Variants in GRIK1 observed in about 807,000 individuals in gnomAD.
The protein encoded by GRIK1 is glutamate ionotropic receptor kainate type subunit 1.
In GRIK1, 69 loss-of-function variants were observed where a neutral mutation model predicts 105.7. The observed-to-expected ratio is 0.65, with a 90% confidence interval of 0.54 to 0.80. GRIK1 has a LOEUF of 0.80. Ranked by LOEUF, GRIK1 falls within the 30% of genes least tolerant of loss-of-function variation. The pLI, the probability that GRIK1 is intolerant of heterozygous loss-of-function variation, is 0.00. For missense variants in GRIK1, 1,109 were observed against 1,167.3 expected (o/e 0.95, Z 0.73); for synonymous variants, 438 against 431.3 (o/e 1.02, Z -0.19).
intron 1 of GRIK1, among the ~76,000 whole-genome samples, chr21:29,722,509 T>C (rs2064347588): frequency 6.6e-6 from 1 of 150,516 alleles, no homozygotes; most frequent in Admixed American, 6.6e-5. Context: ...TGAGCTGAGA[T>C]CGTGCCACTG....
At chr21:29,687,466 T>C (rs2063506319) in intron 3 of GRIK1, among the ~76,000 whole-genome samples, 1 of 152,194 alleles carries the variant, frequency 6.6e-6, no homozygotes, top group African/African-American at 2.4e-5. Flanking sequence ...ATTCTCTGGG[T>C]TCCAATTTAA....
intron 1 of GRIK1, among the ~76,000 whole-genome samples, chr21:29,851,764 C>T (rs1207502759): frequency 2.2e-5 from 3 of 133,726 alleles, no homozygotes; most frequent in Non-Finnish European, 4.7e-5. Flanking sequence ...CCAAGAAGAG[C>T]GTCTTTAGCA....
intron 1 of GRIK1, among the ~76,000 whole-genome samples, chr21:29,817,779 G>A (rs1184461514): frequency 6.6e-6 from 1 of 152,110 alleles, no homozygotes; most frequent in African/African-American, 2.4e-5. Flanking sequence ...GTATTTAAGG[G>A]TTGTTTGTTG....
intron 7 of GRIK1, among the ~76,000 whole-genome samples, chr21:29,616,799 C>A (rs945900675): frequency 2.6e-5 from 4 of 152,168 alleles, no homozygotes; most frequent in African/African-American, 9.7e-5. Context: ...CTGCTTGATG[C>A]CATACTTCAA....
At chr21:29,857,971 C>T (rs890251603) in intron 1 of GRIK1, among the ~76,000 whole-genome samples, 2 of 152,198 alleles carry the variant, frequency 1.3e-5, no homozygotes, top group African/African-American at 4.8e-5. Context: ...ACGATCTTGG[C>T]TCACTGCAGC....
intron 1 of GRIK1, among the ~76,000 whole-genome samples, chr21:29,805,216 G>T (rs1299611429): frequency 1.3e-5 from 2 of 152,132 alleles, no homozygotes; most frequent in Non-Finnish European, 2.9e-5. Flanking sequence ...TTGTTAGAAT[G>T]CTAGAGCAGG....
chr21:29,849,759 A>C (rs1442983168), intron 1 of GRIK1, among the ~76,000 whole-genome samples: 1 of 152,180 alleles, frequency 6.6e-6, no homozygotes, highest in Non-Finnish European at 1.5e-5. Flanking sequence ...AGGGTTCTTA[A>C]AAGCTGGCAC....
intron 3 of GRIK1, among the ~76,000 whole-genome samples, chr21:29,683,737 C>T (rs554325093): frequency 3.3e-5 from 5 of 152,270 alleles, no homozygotes; most frequent in South Asian, 4.1e-4. Flanking sequence ...ACCCATGCAA[C>T]GACCTTCATA....
intron 7 of GRIK1, among the ~76,000 whole-genome samples, chr21:29,622,811 A>T (rs1431311891): frequency 2.0e-5 from 3 of 152,212 alleles, no homozygotes; most frequent in Non-Finnish European, 4.4e-5. Flanking sequence ...TCCCCATCTT[A>T]GGCTGTCCCT....
chr21:29,715,820 C>T (rs145228696), intron 1 of GRIK1, among the ~76,000 whole-genome samples: 9 of 151,870 alleles, frequency 5.9e-5, no homozygotes, highest in African/African-American at 2.2e-4. Flanking sequence ...AAATGTCAAG[C>T]ACAATGTTAA....
At chr21:29,799,581 G>A (rs749970040) in intron 1 of GRIK1, among the ~76,000 whole-genome samples, 1 of 152,208 alleles carries the variant, frequency 6.6e-6, no homozygotes, top group Non-Finnish European at 1.5e-5. Flanking sequence ...CCAGGCTGGA[G>A]TGCAGTGGCA....
chr21:29,762,766 T>C (rs1289353174), intron 1 of GRIK1, among the ~76,000 whole-genome samples: 1 of 152,188 alleles, frequency 6.6e-6, no homozygotes, highest in Non-Finnish European at 1.5e-5. Context: ...GTCATGCTTT[T>C]CTCATCAAAC....
intron 1 of GRIK1, among the ~76,000 whole-genome samples, chr21:29,731,282 T>A (rs2064619412): frequency 1.3e-5 from 2 of 152,214 alleles, no homozygotes. Context: ...ATGTTATCAT[T>A]TTGGCCCTCC....
At chr21:29,645,079 A>T (rs896882435) in intron 6 of GRIK1, among the ~76,000 whole-genome samples, 3 of 152,212 alleles carry the variant, frequency 2.0e-5, no homozygotes, top group Non-Finnish European at 2.9e-5. Context: ...ATAATAGTTC[A>T]ATAAAGGTTA....
At chr21:29,824,639 G>C (rs879415009) in intron 1 of GRIK1, among the ~76,000 whole-genome samples, 2 of 151,994 alleles carry the variant, frequency 1.3e-5, no homozygotes, top group Non-Finnish European at 2.9e-5. Context: ...ATGTGGTCAG[G>C]TTAAAAGAAC....
intron 13 of GRIK1, among the ~76,000 whole-genome samples, chr21:29,580,004 TA>T (rs2090983385): frequency 6.8e-6 from 1 of 146,502 alleles, no homozygotes; most frequent in South Asian, 2.1e-4. Flanking sequence ...TATGTATATA[TA>T]TGTATATATA....
In GRIK1 at chr21:29,704,068, T is replaced by G. The variant is rs182320053; in HGVS notation, c.119-10005A>C. The stretch of plus-strand genomic sequence containing the variant: ...GTAATTTTCCTTCATAAATTTGAGT[T>G]GCACTATAAATTACCCAAAGCCAAA... On this transcript the variant is annotated intron_variant, in intron 1 of 17. Coordinates refer to ENST00000327783, the MANE Select transcript of GRIK1 (RefSeq NM_001330994.2). Among the ~76,000 whole-genome samples, 354 of 152,338 alleles carry G rather than the reference T, an allele frequency of 2.3e-3. 2 individuals are homozygous for G. The highest frequency in any genetic ancestry group is 8.3e-3 in the African/African-American group (345 of 41,574).
In GRIK1 at chr21:29,837,578, G is replaced by C. The variant is rs1256681976; in HGVS notation, c.118+101805C>G. ...AGCAAAGAGAAGTCTGGGAAACAAAGACAATTTTCCTATAGAAGACTACTT... is the reference window on the plus strand; with the variant it reads ...AGCAAAGAGAAGTCTGGGAAACAAACACAATTTTCCTATAGAAGACTACTT... On this transcript the variant is annotated intron_variant, in intron 1 of 17. Transcript: ENST00000327783. Among the ~76,000 whole-genome samples the C allele has an allele frequency of 3.9e-5, 6 of 152,122 alleles. 1 individual carries two copies. Among genetic ancestry groups the C allele is most frequent in the Admixed American group, 3.9e-4 (6 of 15,268 alleles).
At chr21:29,819,929 TAC>T (rs888881923) in intron 1 of GRIK1, among the ~76,000 whole-genome samples, 7 of 152,140 alleles carry the variant, frequency 4.6e-5, no homozygotes, top group Admixed American at 1.3e-4. Flanking sequence ...AATAGTAGCT[TAC>T]ACACTGAGAC....
Sources: allele counts gnomAD v4.1 joint callset (sites outside exome capture counted in the v4.1 genomes callset), GRCh38; gene constraint gnomAD v4.1.1; transcripts MANE v1.5; gene names NCBI Gene and HGNC (gene_info 2026-07-23, HGNC 2026-07-21).